The following SEC31B variants were observed in gnomAD, a reference collection of about 807,000 sequenced individuals.
SEC31B encodes the protein protein transport protein Sec31B.
Under a neutral mutation model 135.0 loss-of-function variants are expected in SEC31B, and 113 were observed. The observed-to-expected ratio is 0.84, with a 90% CI of 0.72 to 0.98. The LOEUF is 0.98. SEC31B is among the 50% of genes least tolerant of loss of function. The pLI is 0.00. For synonymous variants in SEC31B, 508 were observed against 549.4 expected, an observed-to-expected ratio of 0.92 and a Z score of 1.05; for missense variants, 1,296 against 1,421.1, an observed-to-expected ratio of 0.91 and a Z score of 1.42.
At chr10:100,505,288 T>C in intron 10 of SEC31B, 73 bp downstream of exon 10, 1 of 1,557,170 alleles carries the variant, frequency 6.4e-7, no homozygotes, top group South Asian at 1.2e-5. Context: ...GGGCACATGG[T>C]AGGCTTCACA....
intron 9 of SEC31B, 154 bp downstream of exon 9, chr10:100,505,886 A>C: frequency 6.6e-7 from 1 of 1,505,848 alleles, no homozygotes; most frequent in Non-Finnish European, 8.8e-7. Flanking sequence ...ACATCCTTTC[A>C]GGAAGATGGG....
intron 10 of SEC31B, 118 bp from the exon 11 acceptor site, chr10:100,502,602 T>C (rs1276410197): frequency 1.5e-6 from 1 of 664,490 alleles, no homozygotes; most frequent in Non-Finnish European, 2.5e-6. Context: ...ATAAATAAAA[T>C]AAGAGAGTTC....
intron 5 of SEC31B, chr10:100,508,468 T>G: frequency 2.1e-6 from 1 of 466,644 alleles, no homozygotes; most frequent in African/African-American, 2.0e-5. Context: ...TACCTCATGA[T>G]ACTGTAAGCA....
intron 3 of SEC31B, among the ~76,000 whole-genome samples, chr10:100,512,275 T>C (rs1564654213): frequency 6.6e-6 from 1 of 152,162 alleles, no homozygotes; most frequent in Non-Finnish European, 1.5e-5. Context: ...AAACTCAGTG[T>C]ATAGAGAGGG....
intron 11 of SEC31B, among the ~76,000 whole-genome samples, chr10:100,500,620 G>A (rs1465511731): frequency 2.6e-5 from 4 of 152,046 alleles, no homozygotes; most frequent in Admixed American, 2.0e-4. Context: ...CCAGCCTTGT[G>A]AGTCTAAATG....
chr10:100,497,991 A>G, intron 15 of SEC31B, 38 bp downstream of exon 15: 1 of 1,611,164 alleles, frequency 6.2e-7, no homozygotes. Flanking sequence ...AGGTCCAAGT[A>G]ATCCCCTCCC....
chr10:100,497,870 T>G, intron 15 of SEC31B, 77 bp from the exon 16 acceptor site: 1 of 1,610,206 alleles, frequency 6.2e-7, no homozygotes, highest in Non-Finnish European at 8.5e-7. Context: ...ACAGGCCTCC[T>G]GTTAGAGCAC....
chr10:100,494,607 ACATG>A (rs1275498748), intron 19 of SEC31B, among the ~76,000 whole-genome samples: 1 of 152,188 alleles, frequency 6.6e-6, no homozygotes, highest in East Asian at 1.9e-4. Context: ...GTGCCTTTGT[ACATG>A]CTATTCTCTG....
intron 21 of SEC31B, 84 bp downstream of exon 21, chr10:100,489,924 T>C: frequency 2.0e-6 from 3 of 1,530,466 alleles, no homozygotes; most frequent in Non-Finnish European, 2.6e-6. Context: ...CCTAGCCCTC[T>C]GACTTGAGGA....
At chr10:100,519,263 G>A (rs1851905596) in intron 1 of SEC31B, among the ~76,000 whole-genome samples, 1 of 152,234 alleles carries the variant, frequency 6.6e-6, no homozygotes, top group Non-Finnish European at 1.5e-5. Context: ...ACAAAAAAAG[G>A]GCCCCCGCTG....
At chr10:100,517,070 T>C (rs1851864961) in intron 1 of SEC31B, 73 bp from the exon 2 acceptor site, 1 of 733,494 alleles carries the variant, frequency 1.4e-6, no homozygotes, top group South Asian at 1.6e-5. Flanking sequence ...TTGTTTGTCT[T>C]TCTCCATCAC....
At position 100,498,214 on chromosome 10, in the gene SEC31B, G is replaced by C; in HGVS notation, c.1685-7C>G. The C allele has an allele frequency of 6.2e-7, 1 of 1,614,000 alleles. No individual in the cohort carries two copies. Among genetic ancestry groups the C allele is most frequent in the Non-Finnish European group, 8.5e-7 (1 of 1,179,958 alleles). On this transcript the variant is annotated splice_region_variant and splice_polypyrimidine_tract_variant and intron_variant, in intron 14 of 25. Transcript: ENST00000370345. ...CTTAGGAGTCCATCAATATCTGCAG[G>C]CAGAAGCATCCCCTGTGCATTAGTT...
chr10:100,493,825 C>A (rs578180628), intron 19 of SEC31B, among the ~76,000 whole-genome samples: 1 of 152,198 alleles, frequency 6.6e-6, no homozygotes, highest in East Asian at 1.9e-4. Flanking sequence ...GTTTTGATAG[C>A]GTACTGTGGT....
At position 100,487,337 on chromosome 10, in the gene SEC31B, C is replaced by T. The variant is rs1379802879; in HGVS notation, c.*279G>A. On this transcript the variant is annotated 3_prime_UTR_variant, in exon 26 of 26. Transcript: ENST00000370345. ...CCCTGGGGGAGAAGATATCCTGCCC[C>T]AGGTCCTTACAGAGTGTAGTATTAG... 1 of 401,384 alleles carries T rather than the reference C, an allele frequency of 2.5e-6. No individual in the cohort carries two copies. The highest frequency in any genetic ancestry group is 2.1e-5 in the African/African-American group (1 of 48,214). The allele number at this position is 401,384 out of a possible 1,614,324, so 24.9% of individuals were successfully genotyped here.
intron 19 of SEC31B, among the ~76,000 whole-genome samples, chr10:100,492,420 A>G (rs12573696): frequency 1.3e-5 from 2 of 152,102 alleles, no homozygotes; most frequent in Non-Finnish European, 2.9e-5. Context: ...ATGGGGTCTC[A>G]CCATGTTGGC....
In SEC31B at chr10:100,490,188, A is replaced by T. The variant is rs768910333; in HGVS notation, c.2785T>A (p.Ser929Thr). ...CPGIMRPGST[S>T]LPETPRLFPL... is the part of the protein sequence containing the mutation. ...AACAGTCTAGGAGTCTCAGGCAGGGAGGTAGAGCCAGGTCGCATGATGCCT... is the reference window on the plus strand; with the variant it reads ...AACAGTCTAGGAGTCTCAGGCAGGGTGGTAGAGCCAGGTCGCATGATGCCT... The change falls in exon 21 of 26, where the codon TCC (serine) becomes ACC (threonine). Residue 929 changes from serine to threonine, a missense_variant. By Grantham distance (58) the Ser-to-Thr change is moderately conservative (BLOSUM62 1). Transcript: ENST00000370345. The T allele has an allele frequency of 9.9e-6, 16 of 1,608,562 alleles. No individual in the cohort carries two copies. The highest frequency in any genetic ancestry group is 6.8e-5 in the Admixed American group (4 of 59,178).
chr10:100,516,824 C>T (rs1851858744), intron 2 of SEC31B, 50 bp downstream of exon 2: 1 of 1,319,170 alleles, frequency 7.6e-7, no homozygotes, highest in Non-Finnish European at 1.1e-6. Flanking sequence ...ACTAAGTTTC[C>T]CCTCAACTTA....
chr10:100,488,203 T>TA (rs1488236097), intron 24 of SEC31B, 105 bp from the exon 25 acceptor site: 1 of 1,024,816 alleles, frequency 9.8e-7, no homozygotes, highest in Non-Finnish European at 1.5e-6. Flanking sequence ...CTCACGCCTG[T>TA]AATCCCAGCA....
At chr10:100,509,141 G>A (rs771459781) in intron 4 of SEC31B, 39 bp from the exon 5 acceptor site, 3 of 1,591,706 alleles carry the variant, frequency 1.9e-6, no homozygotes, top group South Asian at 2.2e-5. Context: ...TACCACCCTA[G>A]GAAGAAACAG....
Sources: gnomAD v4.1 joint callset for allele counts (sites outside exome capture counted in the v4.1 genomes callset) on GRCh38, gnomAD v4.1.1 for gene constraint, MANE v1.5 for transcripts, NCBI Gene and HGNC (gene_info 2026-07-23, HGNC 2026-07-21) for gene names.